WDR45B: variants seen among roughly 807,000 people sequenced by gnomAD.
The protein encoded by WDR45B is WD repeat domain phosphoinositide-interacting protein 3.
WDR45B carries 20 observed loss-of-function variants against 44.6 expected under a neutral mutation model. The observed-to-expected ratio is 0.45, with a 90% CI of 0.32 to 0.65. The LOEUF (loss-of-function observed/expected upper bound fraction) is 0.65, where lower values mean the gene tolerates loss of function less well. Among genes scored for constraint, WDR45B ranks in the 30% least tolerant of loss-of-function variants. The pLI is 0.05. For missense variants in WDR45B, 323 were observed against 430.2 expected, an observed-to-expected ratio of 0.75 and a Z score of 2.20; for synonymous variants, 169 against 164.9, an observed-to-expected ratio of 1.02 and a Z score of -0.19.
At position 82,614,647 on chromosome 17, in the gene WDR45B, A is replaced by T. The variant is rs528206254; in HGVS notation, c.*1272T>A. Reference sequence around the variant, plus strand: ...GTGTGCAAAATTAAACATCATGATTAAATACACATGAAAGGAACATGCATA... The same window carrying T: ...GTGTGCAAAATTAAACATCATGATTTAATACACATGAAAGGAACATGCATA... On this transcript the variant is annotated 3_prime_UTR_variant, in exon 10 of 10. Coordinates refer to ENST00000392325, the MANE Select transcript of WDR45B (RefSeq NM_019613.4). 6.5e-6 allele frequency: 1 copy of T among 152,686 alleles called. No individual in the cohort carries two copies. Among genetic ancestry groups the T allele is most frequent in the South Asian group, 2.1e-4 (1 of 4,838 alleles). The allele number at this position is 152,686 out of a possible 1,614,324, so 9.5% of individuals were successfully genotyped here.
chr17:82,617,417 A>T lies in WDR45B; in HGVS notation c.705-20T>A, dbSNP rs769315628. Reference sequence around the variant, plus strand: ...TTGATGCTGCAGAGAAAACCAGCACAGCTCAGGCCTTGTGTGGATGTGGAG... The same window carrying T: ...TTGATGCTGCAGAGAAAACCAGCACTGCTCAGGCCTTGTGTGGATGTGGAG... On this transcript the variant is annotated intron_variant, in intron 7 of 9. Transcript: ENST00000392325. The T allele has an allele frequency of 1.2e-6, 2 of 1,612,882 alleles. No homozygotes were observed. The highest frequency in any genetic ancestry group is 2.2e-5 in the South Asian group (2 of 90,900).
chr17:82,632,373 C>T (rs2143325510), intron 2 of WDR45B, among the ~76,000 whole-genome samples: 1 of 152,150 alleles, frequency 6.6e-6, no homozygotes, highest in East Asian at 1.9e-4. Flanking sequence ...TACTGTATTG[C>T]CCAGGCTGGT....
At position 82,647,600 on chromosome 17, in the gene WDR45B, G is replaced by A. The variant is rs139550461; in HGVS notation, c.67+674C>T. 2.3e-3 allele frequency among the ~76,000 whole-genome samples: 347 copies of A among 152,128 alleles called. 1 individual carries two copies. Among genetic ancestry groups the A allele is most frequent in the African/African-American group, 7.8e-3 (325 of 41,500 alleles). Reference sequence around the variant, plus strand: ...AAAAGAAGTAAGATTTCCCTCAAAGGCCTCCCTTAAGTCCTTTGACTCCAC... The same window carrying A: ...AAAAGAAGTAAGATTTCCCTCAAAGACCTCCCTTAAGTCCTTTGACTCCAC... On this transcript the variant is annotated intron_variant, in intron 1 of 9. Coordinates refer to ENST00000392325, the MANE Select transcript of WDR45B (RefSeq NM_019613.4).
intron 1 of WDR45B, chr17:82,644,316 G>A (rs2045951530): frequency 4.4e-6 from 2 of 458,032 alleles, no homozygotes; most frequent in Non-Finnish European, 4.0e-6. Flanking sequence ...AGGACGATCA[G>A]TGACAAACGT....
At chr17:82,633,228 A>C (rs2045791868) in intron 2 of WDR45B, among the ~76,000 whole-genome samples, 1 of 152,066 alleles carries the variant, frequency 6.6e-6, no homozygotes, top group Non-Finnish European at 1.5e-5. Flanking sequence ...TTGTGCACCA[A>C]AGGACACAAT....
intron 1 of WDR45B, among the ~76,000 whole-genome samples, chr17:82,647,718 G>C (rs987504963): frequency 4.0e-5 from 6 of 151,076 alleles, no homozygotes; most frequent in Non-Finnish European, 8.8e-5. Context: ...CACCCCACCC[G>C]CGCCACTCGC....
chr17:82,618,690 C>T lies in WDR45B; in HGVS notation c.704+353G>A, dbSNP rs531308354. 3.0e-4 allele frequency among the ~76,000 whole-genome samples: 46 copies of T among 152,092 alleles called. 1 individual carries two copies. In the South Asian group the frequency reaches 8.5e-3, roughly 28 times the overall value. ...TCGAGGCTGTAGTGAGCTGTGATAG[C>T]GTCACTGCACTCCAGCCTGGGCGAC... On this transcript the variant is annotated intron_variant, in intron 7 of 9. Coordinates refer to ENST00000392325, the MANE Select transcript of WDR45B (RefSeq NM_019613.4).
At chr17:82,619,487 G>A (rs1248030564) in intron 6 of WDR45B, among the ~76,000 whole-genome samples, 2 of 151,726 alleles carry the variant, frequency 1.3e-5, no homozygotes, top group East Asian at 3.9e-4. Flanking sequence ...CATCTGAGAA[G>A]CACTGTCCGA....
rs140316325 is a variant in WDR45B, at chr17:82,631,038, T to A, written c.143-16A>T. 3.7e-4 allele frequency: 595 copies of A among 1,604,696 alleles called. 1 individual carries two copies. The African/African-American group carries it at 4.1e-3, about 11-fold the overall frequency. ...TCTAGAAATTCTGAAATGATAGTTT[T>A]AAAAAGACCAATGTTACAAGTTAAT... On this transcript the variant is annotated splice_polypyrimidine_tract_variant and intron_variant, in intron 2 of 9. Coordinates refer to ENST00000392325, the MANE Select transcript of WDR45B (RefSeq NM_019613.4).
chr17:82,630,976 G>C lies in WDR45B; in HGVS notation c.189C>G (p.Cys63Trp), dbSNP rs764133160. 2 of 1,613,486 alleles carry C rather than the reference G, an allele frequency of 1.2e-6. No individual in the cohort carries two copies. The highest frequency in any genetic ancestry group is 1.7e-6 in the Non-Finnish European group (2 of 1,180,028). The change falls in exon 3 of 10, where the codon TGC becomes TGG. Residue 63 changes from cysteine (C) to tryptophan (W), a missense_variant. Transcript: ENST00000392325. ...CACCACCAACTAAAGCTAAATAGTT[G>C]CAGCGAAATAACATTTCAACATGGC... ...GVGHVEMLFR[C>W]NYLALVGGGK...
At chr17:82,646,488 C>CAAAAAAAAAAAAAAAAAAAAAAAA (rs779661551) in intron 1 of WDR45B, among the ~76,000 whole-genome samples, 3 of 19,940 alleles carry the variant, frequency 1.5e-4, no homozygotes, top group Non-Finnish European at 2.9e-4. Context: ...AACTCCGTCT[C>CAAAAAAAAAAAAAAAAAAAAAAAA]AAAAAAAAAA....
intron 2 of WDR45B, among the ~76,000 whole-genome samples, chr17:82,631,856 G>A (rs565080233): frequency 2.8e-4 from 43 of 151,846 alleles, no homozygotes; most frequent in East Asian, 3.9e-4. Flanking sequence ...AGGCTGAGGC[G>A]GGCAGATGAT....
In WDR45B at chr17:82,616,513, G is replaced by A; in HGVS notation, c.928+11C>T. ...CGGGTGGGGACGTTCTCTCCAGGAA[G>A]GACCACTCACCAATGACGGCGTTTG... is the stretch of plus-strand genomic sequence containing the variant. On this transcript the variant is annotated intron_variant, in intron 9 of 9. Transcript: ENST00000392325. 2 of 1,613,826 alleles carry A rather than the reference G, an allele frequency of 1.2e-6. No individual in the cohort carries two copies. Among genetic ancestry groups the A allele is most frequent in the East Asian group, 2.2e-5 (1 of 44,868 alleles).
At position 82,634,150 on chromosome 17, in the gene WDR45B, C is replaced by CAAAAAAAAAAA. The variant is rs36183298; in HGVS notation, c.143-3139_143-3129dup. Among the ~76,000 whole-genome samples, 138 of 31,908 alleles carry CAAAAAAAAAAA rather than the reference C, an allele frequency of 4.3e-3. 6 individuals carry two copies. Among genetic ancestry groups the CAAAAAAAAAAA allele is most frequent in the Admixed American group, 5.7e-3 (11 of 1,924 alleles). 20.9% of individuals were successfully genotyped at this position (31,908 alleles called of 152,430 possible). A position where few individuals can be genotyped will look rare whatever the true frequency, so the allele number is the denominator to read the frequency against. ...TGGGTGACACAGTGAGACTCCATCTCAAAAAAAAAAAAAAAAAAAAAAAAG... is the reference window on the plus strand; with the variant it reads ...TGGGTGACACAGTGAGACTCCATCTCAAAAAAAAAAAAAAAAAAAAAAAAAAAAAAAAAAAG... On this transcript the variant is annotated intron_variant, in intron 2 of 9. Transcript: ENST00000392325.
intron 8 of WDR45B, 117 bp from the exon 9 acceptor site, chr17:82,616,762 T>A: frequency 7.3e-7 from 1 of 1,377,374 alleles, no homozygotes; most frequent in Non-Finnish European, 1.0e-6. Flanking sequence ...GTTTGAGCTT[T>A]AATGAATTTT....
intron 2 of WDR45B, among the ~76,000 whole-genome samples, chr17:82,634,855 C>T (rs1007921108): frequency 9.9e-5 from 15 of 152,076 alleles, no homozygotes; most frequent in East Asian, 7.7e-4. Flanking sequence ...GGGTGAGCTG[C>T]GGTACCCGGC....
chr17:82,648,190 G>T, intron 1 of WDR45B, 84 bp downstream of exon 1: 1 of 1,466,820 alleles, frequency 6.8e-7, no homozygotes. Context: ...CCGGAAAGGG[G>T]CGCCCAGGAG....
intron 1 of WDR45B, among the ~76,000 whole-genome samples, chr17:82,645,275 G>A (rs1180235689): frequency 1.3e-5 from 2 of 149,216 alleles, no homozygotes; most frequent in Admixed American, 6.7e-5. Flanking sequence ...TCCAACCTGG[G>A]CAACACAGCA....
At position 82,621,613 on chromosome 17, in the gene WDR45B, T is replaced by C; in HGVS notation, c.614A>G (p.Glu205Gly). 6.2e-7 allele frequency: 1 copy of C among 1,614,184 alleles called. No individual in the cohort carries two copies. Among genetic ancestry groups the C allele is most frequent in the Non-Finnish European group, 8.5e-7 (1 of 1,180,036 alleles). ...CAAGGTGAGTGGCACACTTACTTTC[T>C]CGGATGCAGTTGCAATTCTTGTTCC... ...LQGTRIATASEKGTLIRIFDT... is the reference protein window; with the variant it reads ...LQGTRIATASGKGTLIRIFDT... Residue 205 changes from glutamate (E) to glycine (G), a missense_variant, in exon 6 of 10, where the codon GAG (glutamate) becomes GGG (glycine). Physicochemically the swap from Glu to Gly is moderately conservative, Grantham distance 98 (BLOSUM62 -2). Coordinates refer to ENST00000392325, the MANE Select transcript of WDR45B (RefSeq NM_019613.4).
Sources: allele counts gnomAD v4.1 joint callset (sites outside exome capture counted in the v4.1 genomes callset), GRCh38; gene constraint gnomAD v4.1.1; transcripts MANE v1.5; gene names NCBI Gene and HGNC (gene_info 2026-07-23, HGNC 2026-07-21).